Variants in GALNT9 observed in about 807,000 individuals in gnomAD.
The protein encoded by GALNT9 is polypeptide N-acetylgalactosaminyltransferase 9.
A neutral mutation model predicts 63.1 loss-of-function variants in GALNT9; 47 were observed. The observed-to-expected ratio is 0.75, with a 90% confidence interval of 0.59 to 0.95. GALNT9 has a LOEUF of 0.95. Ranked by LOEUF, GALNT9 falls within the 40% of genes least tolerant of loss-of-function variation. The pLI is 0.00. For synonymous variants in GALNT9, 396 were observed against 365.7 expected (o/e 1.08, Z -0.94); for missense variants, 829 against 874.8 (o/e 0.95, Z 0.66).
chr12:132,230,556 T>C lies in GALNT9; in HGVS notation c.1077+17354A>G, dbSNP rs894553494. 1.2e-3 allele frequency among the ~76,000 whole-genome samples: 176 copies of C among 147,788 alleles called. 1 individual carries two copies. Among genetic ancestry groups the C allele is most frequent in the African/African-American group, 4.5e-3 (173 of 38,472 alleles). Reference sequence around the variant, plus strand: ...CTGCCTGGCCCTCGTGGCGGGGGAGTCCTGTTAATCTGTCCACTGCCAAGG... The same window carrying C: ...CTGCCTGGCCCTCGTGGCGGGGGAGCCCTGTTAATCTGTCCACTGCCAAGG... On this transcript the variant is annotated intron_variant, in intron 6 of 10. Coordinates refer to ENST00000328957, the MANE Select transcript of GALNT9 (RefSeq NM_001122636.2).
intron 6 of GALNT9, among the ~76,000 whole-genome samples, chr12:132,207,307 A>G (rs1241395045): frequency 6.6e-6 from 1 of 152,214 alleles, no homozygotes; most frequent in African/African-American, 2.4e-5. Flanking sequence ...CCCAGTGCTC[A>G]GAGCGAGGCC....
intron 1 of GALNT9, among the ~76,000 whole-genome samples, chr12:132,321,366 G>A (rs1555246129): frequency 6.6e-6 from 1 of 152,168 alleles, no homozygotes; most frequent in African/African-American, 2.4e-5. Context: ...GCAGATCCGA[G>A]TGAAACTGAA....
Position 132,269,687 on chromosome 12 carries a change from C to T in GALNT9, c.420-7062G>A, listed in dbSNP as rs79247684. On this transcript the variant is annotated intron_variant, in intron 2 of 10. Coordinates refer to ENST00000328957, the MANE Select transcript of GALNT9 (RefSeq NM_001122636.2). The stretch of plus-strand genomic sequence containing the variant: ...ATGGATTCGGGGCCGAGGGCGGAAT[C>T]GTGAAATAGACGCCGCTGGGAACGC... Among the ~76,000 whole-genome samples the T allele has an allele frequency of 5.8e-3, 877 of 152,310 alleles. 4 individuals are homozygous for T. Among genetic ancestry groups the T allele is most frequent in the Middle Eastern group, 0.01 (3 of 294 alleles).
rs1446680943 is a variant in GALNT9 at position 132,286,413 on chromosome 12, C to T, written c.256G>A (p.Gly86Ser). 3.9e-6 allele frequency: 6 copies of T among 1,550,104 alleles called. No homozygotes were observed. The highest frequency in any genetic ancestry group is 4.4e-6 in the Non-Finnish European group (5 of 1,146,624). ...AGGCCTCCTGGCCCCTCCACCAGGC[C>T]GATGGGCTTGGCAAGGCCTGGGGGA... ...NQLNGLAKPI[G>S]LVEGPGGLGQ... Residue 86 changes from glycine (G) to serine (S), a missense_variant, in exon 2 of 11, where the codon GGC (glycine) becomes AGC (serine). Transcript: ENST00000328957. The surrounding 1 kb of genome is among the most constrained non-coding windows in gnomAD (Gnocchi z 7.4).
At chr12:132,200,926 T>TGCCTGCATCACCGTGAATGC (rs1876022981) in intron 8 of GALNT9, 198 bp downstream of exon 8, 1 of 581,732 alleles carries the variant, frequency 1.7e-6, no homozygotes, top group Non-Finnish European at 3.1e-6. Context: ...CACGTGGATG[T>TGCCTGCATCACCGTGAATGC]GCCTGCATCA....
At chr12:132,204,729 CATCCT>C (rs1397482293) in intron 6 of GALNT9, among the ~76,000 whole-genome samples, 2 of 152,142 alleles carry the variant, frequency 1.3e-5, no homozygotes, top group Admixed American at 6.5e-5. Flanking sequence ...AGCCCCGTCC[CATCCT>C]ATCCTACCCT....
At chr12:132,250,455 C>T (rs1878870022) in intron 5 of GALNT9, among the ~76,000 whole-genome samples, 1 of 152,186 alleles carries the variant, frequency 6.6e-6, no homozygotes, top group Admixed American at 6.5e-5. Flanking sequence ...TCACCAATGG[C>T]CCATTGAGTG....
intron 6 of GALNT9, among the ~76,000 whole-genome samples, chr12:132,244,983 G>C (rs909043033): frequency 1.3e-5 from 2 of 151,770 alleles, no homozygotes; most frequent in East Asian, 1.9e-4. Flanking sequence ...AGAGAGGTCA[G>C]GGGGAGAGGT....
intron 5 of GALNT9, among the ~76,000 whole-genome samples, chr12:132,251,898 C>T (rs1003064378): frequency 3.9e-5 from 6 of 152,110 alleles, no homozygotes; most frequent in Non-Finnish European, 5.9e-5. Context: ...AGGTGTCCTC[C>T]GAAGTCACAC....
At chr12:132,284,002 C>G (rs1458537194) in intron 2 of GALNT9, 1 of 152,270 alleles carries the variant, frequency 6.6e-6, no homozygotes, top group Admixed American at 6.5e-5. Context: ...AGCAGTGGGG[C>G]TAGCCCTGAG....
chr12:132,261,713 G>A lies in GALNT9; in HGVS notation c.587-591C>T, dbSNP rs1016085525. Among the ~76,000 whole-genome samples, 9 of 152,358 alleles carry A rather than the reference G, an allele frequency of 5.9e-5. No homozygotes were observed. The South Asian group carries it at 1.9e-3, about 32-fold the overall frequency. On this transcript the variant is annotated intron_variant, in intron 3 of 10. Coordinates refer to ENST00000328957, the MANE Select transcript of GALNT9 (RefSeq NM_001122636.2). ...CCATGGCACAGCCTCCTGCCTCCAC[G>A]AGGGGTCAGGAAGGGGCTCCCCATG...
Position 132,319,895 on chromosome 12 carries a change from A to G in GALNT9, c.238+9071T>C, listed in dbSNP as rs1868701952. The stretch of plus-strand genomic sequence containing the variant: ...CCTCAGCCTCCGGAGGTTCGGAGGC[A>G]CTCACTGACCCCGCCATGCAGGCGG... On this transcript the variant is annotated intron_variant, in intron 1 of 10. Transcript: ENST00000328957. The surrounding 1 kb of genome is among the most constrained non-coding windows in gnomAD (Gnocchi z 5.2). Among the ~76,000 whole-genome samples, 1 of 152,082 alleles carries G rather than the reference A, an allele frequency of 6.6e-6. No individual in the cohort carries two copies. The highest frequency in any genetic ancestry group is 2.4e-5 in the African/African-American group (1 of 41,418).
At chr12:132,239,277 GACAGAGAC>G (rs1306659779) in intron 6 of GALNT9, among the ~76,000 whole-genome samples, 1 of 151,700 alleles carries the variant, frequency 6.6e-6, no homozygotes, top group Non-Finnish European at 1.5e-5. Flanking sequence ...GAGACACAGA[GACAGAGAC>G]ACAGAGAGAC....
intron 1 of GALNT9, among the ~76,000 whole-genome samples, chr12:132,287,922 G>T (rs1245998202): frequency 6.6e-6 from 1 of 152,186 alleles, no homozygotes; most frequent in Non-Finnish European, 1.5e-5. Flanking sequence ...ATTTGGGGGC[G>T]GGTGCCTGGG....
At chr12:132,308,704 C>T (rs1555244871) in intron 1 of GALNT9, among the ~76,000 whole-genome samples, 1 of 152,150 alleles carries the variant, frequency 6.6e-6, no homozygotes, top group Non-Finnish European at 1.5e-5. Context: ...TCACACTGCC[C>T]ACGATGTCAG....
intron 6 of GALNT9, among the ~76,000 whole-genome samples, chr12:132,224,699 G>T (rs1877578867): frequency 1.2e-5 from 1 of 86,724 alleles, no homozygotes; most frequent in African/African-American, 4.7e-5. Context: ...CCCACACACT[G>T]TGCATACACA....
At position 132,285,514 on chromosome 12, in the gene GALNT9, G is replaced by A. The variant is rs185678685; in HGVS notation, c.419+736C>T. Among the ~76,000 whole-genome samples the A allele has an allele frequency of 8.5e-5, 13 of 152,368 alleles. No individual in the cohort carries two copies. The East Asian group carries it at 9.6e-4, about 11-fold the overall frequency. ...AGTGGCACTGAGGCAAAGCCGTGGC[G>A]GCCAGGGCCCGGCTCCTGATTCACC... is the stretch of plus-strand genomic sequence containing the variant. On this transcript the variant is annotated intron_variant, in intron 2 of 10. Transcript: ENST00000328957.
chr12:132,313,493 T>TCCATCCATTCACCCACCCAC (rs1881892515), intron 1 of GALNT9, among the ~76,000 whole-genome samples: 1 of 103,146 alleles, frequency 9.7e-6, no homozygotes, highest in African/African-American at 3.9e-5. Flanking sequence ...CATCCAGCCA[T>TCCATCCATTCACCCACCCAC]CCATCCATTC....
At chr12:132,201,555 C>G (rs1177304569) in intron 7 of GALNT9, among the ~76,000 whole-genome samples, 2 of 152,336 alleles carry the variant, frequency 1.3e-5, no homozygotes, top group South Asian at 4.1e-4. Context: ...CAGGAACCTC[C>G]TGCCTGAGAA....
Sources: allele counts gnomAD v4.1 joint callset (sites outside exome capture counted in the v4.1 genomes callset), GRCh38; gene constraint gnomAD v4.1.1; non-coding constraint Gnocchi (gnomAD v3.1); transcripts MANE v1.5; gene names NCBI Gene and HGNC (gene_info 2026-07-23, HGNC 2026-07-21).